SLC8A1: variants seen among roughly 807,000 people sequenced by gnomAD.
The protein encoded by SLC8A1 is solute carrier family 8 member A1.
Under a neutral mutation model 68.3 loss-of-function variants are expected in SLC8A1, and 18 were observed. The observed-to-expected ratio is 0.26, with a 90% confidence interval of 0.18 to 0.39. SLC8A1 has a LOEUF of 0.39. Among genes scored for constraint, SLC8A1 ranks in the 10% least tolerant of loss-of-function variants. The probability of loss-of-function intolerance (pLI) is 1.00; values close to 1 mark genes in which losing one functional copy is unlikely to be tolerated. For missense variants in SLC8A1, 985 were observed against 1,156.7 expected (o/e 0.85, Z 2.15); for synonymous variants, 475 against 415.5 (o/e 1.14, Z -1.74).
intron 1 of SLC8A1, among the ~76,000 whole-genome samples, chr2:40,511,050 C>T (rs539468892): frequency 2.0e-5 from 3 of 152,164 alleles, no homozygotes; most frequent in Admixed American, 6.5e-5. Flanking sequence ...GTCAGTATTA[C>T]AAATTGTTTT....
At chr2:40,458,131 A>T (rs1226311660) in intron 1 of SLC8A1, among the ~76,000 whole-genome samples, 2 of 152,246 alleles carry the variant, frequency 1.3e-5, no homozygotes, top group Non-Finnish European at 2.9e-5. Flanking sequence ...TTTGTGGCAA[A>T]GACGAGTGAT....
At position 40,398,227 on chromosome 2, in the gene SLC8A1, C is replaced by G. The variant is rs149634863; in HGVS notation, c.1808+30246G>C. Among the ~76,000 whole-genome samples the G allele has an allele frequency of 6.6e-5, 10 of 152,286 alleles. No homozygotes were observed. In the East Asian group the frequency reaches 1.7e-3, roughly 26 times the overall value. On this transcript the variant is annotated intron_variant, in intron 2 of 7. Coordinates refer to ENST00000406785, the Ensembl canonical transcript of SLC8A1. Reference sequence around the variant, plus strand: ...TTGGTCCCTTCTCCCTAGTCTTGGTCAGCTTCTTCAATTCCTCTTGCTGAT... The same window carrying G: ...TTGGTCCCTTCTCCCTAGTCTTGGTGAGCTTCTTCAATTCCTCTTGCTGAT...
At chr2:40,150,000 T>C (rs1265689140) in intron 6 of SLC8A1, among the ~76,000 whole-genome samples, 2 of 149,526 alleles carry the variant, frequency 1.3e-5, no homozygotes, top group Non-Finnish European at 3.0e-5. Flanking sequence ...AAACAGTCTC[T>C]CTGTGATCTT....
At chr2:40,142,082 G>A (rs1240740102) in intron 6 of SLC8A1, among the ~76,000 whole-genome samples, 2 of 152,202 alleles carry the variant, frequency 1.3e-5, no homozygotes, top group Non-Finnish European at 2.9e-5. Flanking sequence ...CAGCCCTTCA[G>A]AAGCCTCTCT....
intron 2 of SLC8A1, among the ~76,000 whole-genome samples, chr2:40,279,221 T>G (rs1368226877): frequency 1.3e-5 from 2 of 152,198 alleles, no homozygotes; most frequent in Non-Finnish European, 2.9e-5. Flanking sequence ...TAATATCACT[T>G]TCACTTTAGA....
At chr2:40,329,063 C>T (rs898147330) in intron 2 of SLC8A1, among the ~76,000 whole-genome samples, 153 of 25,330 alleles carry the variant, frequency 6.0e-3, no homozygotes, top group African/African-American at 0.038. Flanking sequence ...TACAACCTCA[C>T]ACACACACAC....
At chr2:40,507,113 T>A (rs1342865439) in intron 1 of SLC8A1, among the ~76,000 whole-genome samples, 1 of 152,058 alleles carries the variant, frequency 6.6e-6, no homozygotes, top group African/African-American at 2.4e-5. Flanking sequence ...ATTGTTCATT[T>A]TAGATTAATG....
At chr2:40,238,504 T>G (rs902142015) in intron 2 of SLC8A1, among the ~76,000 whole-genome samples, 4 of 152,094 alleles carry the variant, frequency 2.6e-5, no homozygotes, top group African/African-American at 9.7e-5. Context: ...GCCCACTGTC[T>G]GGCACTCCCT....
At chr2:40,118,463 TG>T (rs2035993435) in intron 7 of SLC8A1, 1 of 152,172 alleles carries the variant, frequency 6.6e-6, no homozygotes, top group Non-Finnish European at 1.5e-5. Flanking sequence ...TGTGCATTCA[TG>T]ATCACACATT....
intron 1 of SLC8A1, among the ~76,000 whole-genome samples, chr2:40,492,665 C>G (rs1228587230): frequency 2.0e-5 from 3 of 148,496 alleles, no homozygotes; most frequent in Admixed American, 6.7e-5. Flanking sequence ...ACAAACAACC[C>G]AATCAAAAAG....
At chr2:40,251,245 C>G (rs1226175409) in intron 2 of SLC8A1, 1 of 151,920 alleles carries the variant, frequency 6.6e-6, no homozygotes, top group East Asian at 1.9e-4. Context: ...AAAACCAAAC[C>G]TGCTAGTCAG....
chr2:40,184,898 C>CAAAAAAAAAAAA (rs66662572), intron 2 of SLC8A1, among the ~76,000 whole-genome samples: 17 of 106,508 alleles, frequency 1.6e-4, no homozygotes, highest in South Asian at 3.3e-4. Flanking sequence ...TAACCAAAAA[C>CAAAAAAAAAAAA]AAAAAAAAAA....
At chr2:40,276,892 G>A (rs1037730298) in intron 2 of SLC8A1, among the ~76,000 whole-genome samples, 7 of 152,140 alleles carry the variant, frequency 4.6e-5, no homozygotes, top group Admixed American at 4.6e-4. Context: ...TGAGAATTTT[G>A]TGGAAAAAAC....
chr2:40,324,924 T>C (rs2075639489), intron 2 of SLC8A1, among the ~76,000 whole-genome samples: 1 of 152,172 alleles, frequency 6.6e-6, no homozygotes, highest in South Asian at 2.1e-4. Flanking sequence ...ACCAAATGAC[T>C]GCAAAGATGA....
intron 1 of SLC8A1, among the ~76,000 whole-genome samples, chr2:40,471,991 A>C (rs1318714867): frequency 6.6e-6 from 1 of 152,154 alleles, no homozygotes; most frequent in African/African-American, 2.4e-5. Flanking sequence ...CTGCTTGTGA[A>C]AGGAGGAGAG....
At chr2:40,161,034 C>T (rs377574618) in intron 5 of SLC8A1, among the ~76,000 whole-genome samples, 170 bp from the exon 9 acceptor site, 2 of 152,260 alleles carry the variant, frequency 1.3e-5, no homozygotes, top group East Asian at 3.9e-4. Flanking sequence ...CAAGCATGGT[C>T]CTTAGTTGGA....
chr2:40,402,845 A>G (rs190229738), intron 2 of SLC8A1, among the ~76,000 whole-genome samples: 2 of 152,298 alleles, frequency 1.3e-5, no homozygotes, highest in African/African-American at 4.8e-5. Flanking sequence ...CTACTCCTTT[A>G]ACTTTGTGCT....
intron 1 of SLC8A1, among the ~76,000 whole-genome samples, chr2:40,498,196 C>A (rs1327974305): frequency 6.6e-6 from 1 of 151,928 alleles, no homozygotes; most frequent in African/African-American, 2.4e-5. Context: ...TTAGACTCCG[C>A]AGAAATGGGC....
At chr2:40,380,986 T>C (rs1367526671) in intron 2 of SLC8A1, among the ~76,000 whole-genome samples, 1 of 152,108 alleles carries the variant, frequency 6.6e-6, no homozygotes, top group African/African-American at 2.4e-5. Flanking sequence ...CACCTTTCAG[T>C]GTCCGAGTTT....
Sources: gnomAD v4.1 joint callset for allele counts (sites outside exome capture counted in the v4.1 genomes callset) on GRCh38, gnomAD v4.1.1 for gene constraint, MANE v1.5 for transcripts, NCBI Gene and HGNC (gene_info 2026-07-23, HGNC 2026-07-21) for gene names.